The following ATP2B4 variants were observed in gnomAD, a reference collection of about 807,000 sequenced individuals.
ATP2B4 encodes the protein plasma membrane calcium-transporting ATPase 4.
A neutral mutation model predicts 110.3 loss-of-function variants in ATP2B4; 39 were observed. That is an observed-to-expected ratio of 0.35 (90% CI 0.27 to 0.46). ATP2B4 has a LOEUF of 0.46. ATP2B4 is among the 20% of genes least tolerant of loss of function. The pLI is 1.00. For missense variants in ATP2B4, 1,135 were observed against 1,530.9 expected (o/e 0.74, Z 4.32); for synonymous variants, 538 against 571.7 (o/e 0.94, Z 0.84).
intron 20 of ATP2B4, among the ~76,000 whole-genome samples, chr1:203,730,404 C>G (rs1381427542): frequency 6.6e-6 from 1 of 152,130 alleles, no homozygotes; most frequent in Non-Finnish European, 1.5e-5. Flanking sequence ...CTCCCTACCC[C>G]ACCCCACACT....
At chr1:203,639,793 C>G (rs1052378288) in intron 1 of ATP2B4, among the ~76,000 whole-genome samples, 4 of 152,180 alleles carry the variant, frequency 2.6e-5, no homozygotes, top group Non-Finnish European at 5.9e-5. Flanking sequence ...GCCTCTGCCT[C>G]TGATGGGGTG....
chr1:203,703,164 CGA>C (rs144760902), intron 7 of ATP2B4, among the ~76,000 whole-genome samples: 2,867 of 144,512 alleles, frequency 0.02, 44 homozygotes, highest in African/African-American at 0.04. Context: ...CCCTGACAAT[CGA>C]GAGAGAGAGA....
In ATP2B4 at chr1:203,739,943, C is replaced by A; in HGVS notation, c.*89C>A. ...AGGTGATGATGGGACTTTTCATTGTCACGTCAGCTGCTGTGTTAACAGCAG... is the reference window on the plus strand; with the variant it reads ...AGGTGATGATGGGACTTTTCATTGTAACGTCAGCTGCTGTGTTAACAGCAG... On this transcript the variant is annotated 3_prime_UTR_variant, in exon 21 of 21. Transcript: ENST00000357681. The A allele has an allele frequency of 7.4e-7, 1 of 1,345,396 alleles. No individual in the cohort carries two copies. Among genetic ancestry groups the A allele is most frequent in the South Asian group, 1.4e-5 (1 of 69,216 alleles). The allele number at this position is 1,345,396 out of a possible 1,614,324, so 83.3% of individuals were successfully genotyped here.
intron 1 of ATP2B4, among the ~76,000 whole-genome samples, chr1:203,672,559 G>A (rs988738484): frequency 8.6e-5 from 13 of 152,010 alleles, no homozygotes; most frequent in Non-Finnish European, 1.5e-4. Flanking sequence ...CCCTGGCCTC[G>A]GAGCAGTGGG....
intron 1 of ATP2B4, among the ~76,000 whole-genome samples, chr1:203,673,338 A>C (rs564283719): frequency 3.3e-5 from 5 of 152,300 alleles, no homozygotes; most frequent in Non-Finnish European, 7.3e-5. Flanking sequence ...CAGCTCTAAA[A>C]CATTACTCAA....
chr1:203,728,531 C>T (rs1033011325), intron 20 of ATP2B4, among the ~76,000 whole-genome samples: 1 of 152,194 alleles, frequency 6.6e-6, no homozygotes, highest in Non-Finnish European at 1.5e-5. Context: ...ATAAGTTTCA[C>T]TGTCTAAAAC....
At chr1:203,643,640 G>T (rs1378543427) in intron 1 of ATP2B4, among the ~76,000 whole-genome samples, 1 of 152,202 alleles carries the variant, frequency 6.6e-6, no homozygotes, top group African/African-American at 2.4e-5. Flanking sequence ...TCACTTAAGT[G>T]CTCCAGGCTC....
intron 1 of ATP2B4, among the ~76,000 whole-genome samples, chr1:203,667,113 G>A (rs1286959146): frequency 6.6e-6 from 1 of 152,080 alleles, no homozygotes; most frequent in Non-Finnish European, 1.5e-5. Context: ...CACCATGCCT[G>A]GCTAATTTTT....
At chr1:203,704,320 A>C (rs901999430) in intron 8 of ATP2B4, among the ~76,000 whole-genome samples, 3 of 151,814 alleles carry the variant, frequency 2.0e-5, no homozygotes, top group Non-Finnish European at 4.4e-5. Flanking sequence ...TAAATAATGC[A>C]CTCTGCATAT....
intron 1 of ATP2B4, among the ~76,000 whole-genome samples, chr1:203,651,259 G>A (rs747818571): frequency 1.3e-5 from 2 of 151,750 alleles, no homozygotes; most frequent in African/African-American, 2.4e-5. Flanking sequence ...TTCATTTCTA[G>A]TTCTATCTCT....
chr1:203,728,859 C>CA (rs35173142), intron 20 of ATP2B4, among the ~76,000 whole-genome samples: 43 of 141,328 alleles, frequency 3.0e-4, no homozygotes, highest in Non-Finnish European at 4.7e-4. Context: ...CTCTGTCTCA[C>CA]AAAAAAAAAA....
chr1:203,679,322 G>A (rs965713136), intron 1 of ATP2B4, among the ~76,000 whole-genome samples: 16 of 152,182 alleles, frequency 1.1e-4, no homozygotes, highest in African/African-American at 3.1e-4. Flanking sequence ...AAGTGGGGAC[G>A]TCATGATATG....
chr1:203,713,835 A>G (rs1666083582), intron 14 of ATP2B4, among the ~76,000 whole-genome samples: 1 of 152,180 alleles, frequency 6.6e-6, no homozygotes, highest in East Asian at 1.9e-4. Context: ...CAGGGCAGGT[A>G]TTCCCATTTT....
chr1:203,639,379 G>T (rs1338831620), intron 1 of ATP2B4, among the ~76,000 whole-genome samples: 1 of 152,182 alleles, frequency 6.6e-6, no homozygotes, highest in Non-Finnish European at 1.5e-5. Context: ...GTGGTATCCG[G>T]GAGGCAAAGG....
Position 203,683,013 on chromosome 1 carries a change from G to A in ATP2B4, c.-193G>A, listed in dbSNP as rs1541255. The A allele has an allele frequency of 0.87, 457,788 of 527,448 alleles. 200,323 individuals are homozygous for A. Among genetic ancestry groups the A allele is most frequent in the East Asian group, 1 (31,007 of 31,018 alleles). The allele number at this position is 527,448 out of a possible 1,614,324, so 32.7% of individuals were successfully genotyped here. A position where few individuals can be genotyped will look rare whatever the true frequency, so the allele number is the denominator to read the frequency against. On this transcript the variant is annotated 5_prime_UTR_variant, in exon 2 of 21. Transcript: ENST00000357681. ...CTCCTCTCGCTGCCAGACTTCATAC[G>A]GAAGAAAGGATCTAGACTTCGGACG... is the stretch of plus-strand genomic sequence containing the variant.
At chr1:203,640,817 T>C (rs187200429) in intron 1 of ATP2B4, among the ~76,000 whole-genome samples, 2 of 152,172 alleles carry the variant, frequency 1.3e-5, no homozygotes, top group African/African-American at 2.4e-5. Flanking sequence ...GATGCACCCT[T>C]AGTTTAGCCC....
intron 2 of ATP2B4, among the ~76,000 whole-genome samples, chr1:203,696,802 T>C (rs1171601120): frequency 6.6e-6 from 1 of 152,164 alleles, no homozygotes; most frequent in Non-Finnish European, 1.5e-5. Flanking sequence ...CTGTGTGGTA[T>C]GTATTGTGTA....
intron 1 of ATP2B4, among the ~76,000 whole-genome samples, chr1:203,641,814 T>C (rs1663639495): frequency 6.6e-6 from 1 of 152,216 alleles, no homozygotes; most frequent in African/African-American, 2.4e-5. Context: ...AAAGGTTATT[T>C]ACTCTCCTGG....
Position 203,720,724 on chromosome 1 carries a change from G to C in ATP2B4, c.2582G>C (p.Gly861Ala), listed in dbSNP as rs1470618426. The C allele has an allele frequency of 6.2e-7, 1 of 1,612,538 alleles. No individual in the cohort carries two copies. The highest frequency in any genetic ancestry group is 2.2e-5 in the East Asian group (1 of 44,872). The part of the protein sequence containing the change: ...NVVAVIVAFT[G>A]ACITQDSPLK... ...GTGGCCGTGATTGTAGCCTTCACTG[G>C]AGCCTGTATCACTCAGGTGAAGGGG... Residue 861 changes from glycine to alanine, a missense_variant, in exon 16 of 21, where the codon GGA (glycine) becomes GCA (alanine). Physicochemically the swap from Gly to Ala is moderately conservative, Grantham distance 60 (BLOSUM62 0). Coordinates refer to ENST00000357681, the MANE Select transcript of ATP2B4 (RefSeq NM_001684.5).
Sources: allele counts gnomAD v4.1 joint callset (sites outside exome capture counted in the v4.1 genomes callset), GRCh38; gene constraint gnomAD v4.1.1; transcripts MANE v1.5; gene names NCBI Gene and HGNC (gene_info 2026-07-23, HGNC 2026-07-21).